The following AP2A2 variants were observed in gnomAD, a reference collection of about 807,000 sequenced individuals.
AP2A2 encodes the protein adaptor related protein complex 2 subunit alpha 2.
In AP2A2, 32 loss-of-function variants were observed where a neutral mutation model predicts 104.2. The ratio of observed to expected loss-of-function variants is 0.31; its 90% confidence interval spans 0.23 to 0.41. AP2A2 has a LOEUF of 0.41. AP2A2 is among the 10% of genes least tolerant of loss of function. AP2A2 has a pLI of 1.00. For synonymous variants in AP2A2, 539 were observed against 533.3 expected (o/e 1.01, Z -0.15); for missense variants, 912 against 1,261.0 (o/e 0.72, Z 4.19).
chr11:947,736 G>C (rs557667574), intron 1 of AP2A2, among the ~76,000 whole-genome samples: 8 of 152,148 alleles, frequency 5.3e-5, no homozygotes, highest in Non-Finnish European at 8.8e-5. Flanking sequence ...GACCAAGGTG[G>C]GAGGGTTTCT....
At chr11:948,466 G>A (rs1853927389) in intron 1 of AP2A2, 1 of 152,228 alleles carries the variant, frequency 6.6e-6, no homozygotes, top group Admixed American at 6.5e-5. Flanking sequence ...ACAATACAGA[G>A]ATTAGCATGG....
chr11:940,076 T>G (rs572672326), intron 1 of AP2A2, among the ~76,000 whole-genome samples: 1 of 149,630 alleles, frequency 6.7e-6, no homozygotes, highest in African/African-American at 2.5e-5. Flanking sequence ...TGCCTCAGCC[T>G]CCAGAGTAGC....
At chr11:947,097 AC>A (rs1194211037) in intron 1 of AP2A2, 2 of 128,454 alleles carry the variant, frequency 1.6e-5, no homozygotes, top group African/African-American at 6.0e-5. Context: ...TGCAGCCCCC[AC>A]CTCCCGGACT....
intron 1 of AP2A2, among the ~76,000 whole-genome samples, chr11:930,589 C>T (rs1342870062): frequency 2.0e-5 from 3 of 151,790 alleles, no homozygotes; most frequent in Non-Finnish European, 2.9e-5. Flanking sequence ...GGCGCGATCT[C>T]GGCTCACTGC....
intron 1 of AP2A2, among the ~76,000 whole-genome samples, chr11:950,141 AC>A (rs760301225): frequency 9.2e-5 from 14 of 152,156 alleles, no homozygotes; most frequent in Non-Finnish European, 1.6e-4. Flanking sequence ...ATAGTCTTAA[AC>A]AAATGGTGCT....
At position 1,010,347 on chromosome 11, in the gene AP2A2, T is replaced by C. The variant is rs2133799240; in HGVS notation, c.2743-201T>C. 4 of 595,548 alleles carry C rather than the reference T, an allele frequency of 6.7e-6. No homozygotes were observed. In the South Asian group the frequency reaches 8.4e-5, roughly 13 times the overall value. The allele number at this position is 595,548 out of a possible 1,614,324, so 36.9% of individuals were successfully genotyped here. On this transcript the variant is annotated intron_variant, in intron 21 of 21. Transcript: ENST00000448903. ...CCACTTTGCACTCCCGCCAGCTACGTACGAGACGCCAGGCGCTCCCATGCC... is the reference window on the plus strand; with the variant it reads ...CCACTTTGCACTCCCGCCAGCTACGCACGAGACGCCAGGCGCTCCCATGCC...
In AP2A2 at chr11:1,011,164, A is replaced by G. The variant is rs2133801885; in HGVS notation, c.*539A>G. 2 of 533,530 alleles carry G rather than the reference A, an allele frequency of 3.7e-6. No homozygotes were observed. The highest frequency in any genetic ancestry group is 5.2e-5 in the East Asian group (1 of 19,346). The allele number at this position is 533,530 out of a possible 1,614,324, so 33.0% of individuals were successfully genotyped here. A position where few individuals can be genotyped will look rare whatever the true frequency, so the allele number is the denominator to read the frequency against. On this transcript the variant is annotated 3_prime_UTR_variant, in exon 22 of 22. Transcript: ENST00000448903. Reference sequence around the variant, plus strand: ...TTCCCAGGCAGGATTTTAATCTAGAATTTAGAAACATTTGTATTTGTAATG... The same window carrying G: ...TTCCCAGGCAGGATTTTAATCTAGAGTTTAGAAACATTTGTATTTGTAATG...
rs563566316 is a variant in AP2A2, at chr11:935,653, G to A, written c.67+9565G>A. Among the ~76,000 whole-genome samples the A allele has an allele frequency of 3.1e-5, 4 of 128,840 alleles. 1 individual carries two copies. The East Asian group carries it at 9.9e-4, about 32-fold the overall frequency. The allele number at this position is 128,840 out of a possible 152,430, so 84.5% of individuals were successfully genotyped here. A position where few individuals can be genotyped will look rare whatever the true frequency, so the allele number is the denominator to read the frequency against. ...GATAGAGTCTCGCTGTGTTGCCCAGGCTAGAGTGCAGTGGTGTGATCTCGG... is the reference window on the plus strand; with the variant it reads ...GATAGAGTCTCGCTGTGTTGCCCAGACTAGAGTGCAGTGGTGTGATCTCGG... On this transcript the variant is annotated intron_variant, in intron 1 of 21. Coordinates refer to ENST00000448903, the MANE Select transcript of AP2A2 (RefSeq NM_012305.4).
rs781257734 is a variant in AP2A2 at position 1,011,270 on chromosome 11, G to C, written c.*645G>C. ...CCTGTTTGTGAAGGGCGTCTGTTAT[G>C]CTCCTGCAGTCGCCGAGGCCTTGGA... is the stretch of plus-strand genomic sequence containing the variant. On this transcript the variant is annotated 3_prime_UTR_variant, in exon 22 of 22. Coordinates refer to ENST00000448903, the MANE Select transcript of AP2A2 (RefSeq NM_012305.4). The C allele has an allele frequency of 1.9e-6, 1 of 519,000 alleles. No homozygotes were observed. The highest frequency in any genetic ancestry group is 3.8e-6 in the Non-Finnish European group (1 of 259,936). The allele number at this position is 519,000 out of a possible 1,614,324, so 32.1% of individuals were successfully genotyped here. A position where few individuals can be genotyped will look rare whatever the true frequency, so the allele number is the denominator to read the frequency against.
intron 1 of AP2A2, among the ~76,000 whole-genome samples, chr11:929,562 G>A (rs1322246787): frequency 1.3e-5 from 2 of 152,216 alleles, no homozygotes; most frequent in Non-Finnish European, 2.9e-5. Flanking sequence ...CCAAATTTGC[G>A]TCTTTCTGAC....
At chr11:971,372 A>C (rs1854822651) in intron 3 of AP2A2, among the ~76,000 whole-genome samples, 1 of 152,152 alleles carries the variant, frequency 6.6e-6, no homozygotes, top group African/African-American at 2.4e-5. Flanking sequence ...GTGCGAGCGC[A>C]GGGCTGAAAG....
intron 1 of AP2A2, among the ~76,000 whole-genome samples, chr11:945,078 AG>A (rs1414671075): frequency 6.6e-6 from 1 of 151,960 alleles, no homozygotes; most frequent in African/African-American, 2.4e-5. Flanking sequence ...TGCTTGGCTC[AG>A]GTCTTGCTAG....
rs1856416153 is a variant in AP2A2 at position 1,011,174 on chromosome 11, AT to A, written c.*552del. Reference sequence around the variant, plus strand: ...GGATTTTAATCTAGAATTTAGAAACATTTGTATTTGTAATGACTTCTGGCAA... The same window carrying A: ...GGATTTTAATCTAGAATTTAGAAACATTGTATTTGTAATGACTTCTGGCAA... On this transcript the variant is annotated 3_prime_UTR_variant, in exon 22 of 22. Coordinates refer to ENST00000448903, the MANE Select transcript of AP2A2 (RefSeq NM_012305.4). 1 of 528,422 alleles carries A rather than the reference AT, an allele frequency of 1.9e-6. No homozygotes were observed. Among genetic ancestry groups the A allele is most frequent in the Non-Finnish European group, 3.8e-6 (1 of 266,570 alleles). 32.7% of individuals were successfully genotyped at this position (528,422 alleles called of 1,614,324 possible).
chr11:992,472 G>A lies in AP2A2; in HGVS notation c.1270-31G>A. ...GTCTTGGGATTGCCATGGCCTGCAG[G>A]TGCCGGCCCTCAGCAGCCTGTCCCC... On this transcript the variant is annotated intron_variant, in intron 10 of 21. Transcript: ENST00000448903. The surrounding 1 kb of genome is among the most constrained non-coding windows in gnomAD (Gnocchi z 6.4). 1.9e-6 allele frequency: 3 copies of A among 1,558,636 alleles called. No homozygotes were observed. The highest frequency in any genetic ancestry group is 2.4e-5 in the East Asian group (1 of 41,552).
At position 1,006,206 on chromosome 11, in the gene AP2A2, G is replaced by A. The variant is rs375564175; in HGVS notation, c.2207-322G>A. Among the ~76,000 whole-genome samples the A allele has an allele frequency of 1.7e-3, 264 of 152,348 alleles. 3 individuals carry two copies. Among genetic ancestry groups the A allele is most frequent in the African/African-American group, 6.1e-3 (253 of 41,584 alleles). On this transcript the variant is annotated intron_variant, in intron 16 of 21. Transcript: ENST00000448903. The stretch of plus-strand genomic sequence containing the variant: ...TCCAGCTGTAGCCCAGCCTGCAGAC[G>A]GGGCGTTCTGTGGGTCCTTCCCCGT...
intron 14 of AP2A2, among the ~76,000 whole-genome samples, chr11:999,248 G>A (rs2133764975): frequency 6.6e-6 from 1 of 152,274 alleles, no homozygotes; most frequent in East Asian, 1.9e-4. Context: ...AGCAATTACT[G>A]GGGCCGGGTG....
intron 2 of AP2A2, among the ~76,000 whole-genome samples, chr11:959,809 C>T (rs765365520): frequency 1.3e-5 from 2 of 152,078 alleles, no homozygotes; most frequent in Non-Finnish European, 2.9e-5. Flanking sequence ...ACACCAAGTA[C>T]GGGAAGTGCT....
intron 2 of AP2A2, 54 bp downstream of exon 2, chr11:959,559 A>G: frequency 1.7e-6 from 2 of 1,199,510 alleles, no homozygotes; most frequent in Admixed American, 4.4e-5. Flanking sequence ...TTTCTGTAGT[A>G]AGAACCCAGT....
At chr11:984,068 G>A (rs1855362742) in intron 6 of AP2A2, among the ~76,000 whole-genome samples, 2 of 152,210 alleles carry the variant, frequency 1.3e-5, no homozygotes, top group Admixed American at 6.5e-5. Context: ...CCTGACCTCC[G>A]GGAAACAGGA....
Sources: gnomAD v4.1 joint callset for allele counts (sites outside exome capture counted in the v4.1 genomes callset) on GRCh38, gnomAD v4.1.1 for gene constraint, Gnocchi (gnomAD v3.1) non-coding constraint, MANE v1.5 for transcripts, NCBI Gene and HGNC (gene_info 2026-07-23, HGNC 2026-07-21) for gene names.